MYH7B: variants seen among roughly 807,000 people sequenced by gnomAD.
MYH7B encodes myosin-7B.
A neutral mutation model predicts 234.5 loss-of-function variants in MYH7B; 205 were observed. That is an observed-to-expected ratio of 0.87 (90% CI 0.78 to 0.98). The LOEUF is 0.98. Among genes scored for constraint, MYH7B ranks in the 50% least tolerant of loss-of-function variants. The pLI, the probability that MYH7B is intolerant of heterozygous loss-of-function variation, is 0.00. For missense variants in MYH7B, 2,652 were observed against 2,633.4 expected, an observed-to-expected ratio of 1.01 and a Z score of -0.15; for synonymous variants, 1,193 against 1,105.0, an observed-to-expected ratio of 1.08 and a Z score of -1.58.
rs767042293 is a variant in MYH7B, at chr20:34,977,672, G to T, written c.-81G>T. ...TAGCAGAGCTTCCTGCCCTCACCGT[G>T]GTGCCGAGGTAGGTGATCAGGGCTG... is the stretch of plus-strand genomic sequence containing the variant. On this transcript the variant is annotated 5_prime_UTR_variant, in exon 4 of 45. Coordinates refer to ENST00000262873, the Ensembl canonical transcript of MYH7B. 6.3e-7 allele frequency: 1 copy of T among 1,580,502 alleles called. No individual in the cohort carries two copies. Among genetic ancestry groups the T allele is most frequent in the Non-Finnish European group, 8.6e-7 (1 of 1,163,246 alleles).
chr20:34,976,657 T>C (rs1175249938), intron 3 of MYH7B, among the ~76,000 whole-genome samples: 1 of 152,206 alleles, frequency 6.6e-6, no homozygotes, highest in Non-Finnish European at 1.5e-5. Context: ...TTCCTTGATT[T>C]GCTTCCATTT....
Position 34,997,334 on chromosome 20 carries a change from G to A in MYH7B, c.3441G>A (p.Ala1147=), listed in dbSNP as rs554580806. 2.4e-5 allele frequency: 37 copies of A among 1,545,824 alleles called. No homozygotes were observed. The highest frequency in any genetic ancestry group is 4.8e-5 in the South Asian group (4 of 83,974). Residue 1147 remains alanine (A), a synonymous_variant, in exon 32 of 45, where the codon GCG becomes GCA. Coordinates refer to ENST00000262873, the Ensembl canonical transcript of MYH7B. ...TGGAGAAGCAGCGTGCAGAGGCGGC[G>A]CGGGAGCTGGAGGAGCTGAGCGAGC...
chr20:34,987,851 C>T (rs756670052), exon 18 of MYH7B: 96 of 1,612,890 alleles, frequency 6.0e-5, no homozygotes, highest in Non-Finnish European at 7.2e-5. Context: ...AGACCCTGGA[C>T]ACAAAGCTGC....
intron 10 of MYH7B, among the ~76,000 whole-genome samples, chr20:34,983,576 T>G (rs906118423): frequency 6.6e-6 from 1 of 151,942 alleles, no homozygotes; most frequent in Non-Finnish European, 1.5e-5. Context: ...AGAAAGGAGC[T>G]GGGACAGTGG....
chr20:34,974,702 A>T lies in MYH7B; in HGVS notation c.-221-698A>T, dbSNP rs2147161969. ...TGAGCATCCTTGAACAATGAAAAGA[A>T]TTTTTCCCACTTTCTGGGCTTTCTA... is the stretch of plus-strand genomic sequence containing the variant. On this transcript the variant is annotated intron_variant, in intron 2 of 44. Transcript: ENST00000262873. Among the ~76,000 whole-genome samples the T allele has an allele frequency of 1.3e-5, 2 of 152,228 alleles. 1 individual carries two copies. Among genetic ancestry groups the T allele is most frequent in the South Asian group, 4.2e-4 (2 of 4,814 alleles).
In MYH7B at chr20:35,002,031, G is replaced by A. The variant is rs374941328; in HGVS notation, c.5760G>A (p.Ala1920=). ...ATGCGGAGGAGCGGGCAGACATGGC[G>A]GAAACCCAGGCCAACAAGCTGCGGG... is the stretch of plus-strand genomic sequence containing the variant. Residue 1920 remains alanine, a synonymous_variant, in exon 44 of 45, where the codon GCG becomes GCA. Transcript: ENST00000262873. 57 of 1,613,916 alleles carry A rather than the reference G, an allele frequency of 3.5e-5. No homozygotes were observed. Among genetic ancestry groups the A allele is most frequent in the South Asian group, 9.9e-5 (9 of 91,082 alleles).
rs574173568 is a variant in MYH7B at position 34,992,004 on chromosome 20, C to T, written c.2183+883C>T. Reference sequence around the variant, plus strand: ...CTCATGAGGGGCCTTCACAGCGTGGCTGTAGCCCACCTGACCCACACAGCC... The same window carrying T: ...CTCATGAGGGGCCTTCACAGCGTGGTTGTAGCCCACCTGACCCACACAGCC... On this transcript the variant is annotated intron_variant, in intron 24 of 44. Coordinates refer to ENST00000262873, the Ensembl canonical transcript of MYH7B. Among the ~76,000 whole-genome samples, 54 of 152,320 alleles carry T rather than the reference C, an allele frequency of 3.5e-4. 1 individual carries two copies. In the South Asian group the frequency reaches 0.011, roughly 31 times the overall value.
chr20:34,997,313 G>A, exon 32 of MYH7B: 1 of 1,552,402 alleles, frequency 6.4e-7, no homozygotes, highest in South Asian at 1.2e-5. Flanking sequence ...CCCGCGTGGA[G>A]AAGCAGCGTG....
chr20:35,000,746 C>G (rs1464002902), intron 39 of MYH7B, 22 bp from the exon 40 acceptor site: 2 of 1,608,654 alleles, frequency 1.2e-6, no homozygotes, highest in Non-Finnish European at 8.5e-7. Context: ...CTGGCTGGCT[C>G]TGAGACTCCT....
At chr20:34,961,107 C>G (rs2081693421) in intron 2 of MYH7B, among the ~76,000 whole-genome samples, 1 of 152,138 alleles carries the variant, frequency 6.6e-6, no homozygotes, top group Admixed American at 6.5e-5. Flanking sequence ...CAGTCCGGCT[C>G]TCATTTCATC....
At chr20:34,958,349 G>T (rs1356734520) in intron 2 of MYH7B, among the ~76,000 whole-genome samples, 137 bp downstream of exon 2, 1 of 152,170 alleles carries the variant, frequency 6.6e-6, no homozygotes, top group Non-Finnish European at 1.5e-5. Flanking sequence ...GGGAGCGTTT[G>T]CCCTTTCTGC....
At position 34,992,859 on chromosome 20, in the gene MYH7B, C is replaced by T. The variant is rs113970213; in HGVS notation, c.2184-243C>T. Among the ~76,000 whole-genome samples the T allele has an allele frequency of 5.3e-5, 8 of 152,280 alleles. No homozygotes were observed. In the South Asian group the frequency reaches 1.0e-3, roughly 20 times the overall value. ...TGTTGTGATTATGGGCGTGAGCCAC[C>T]GCACCCAGCCAACCCCCCAGGGATT... is the stretch of plus-strand genomic sequence containing the variant. On this transcript the variant is annotated intron_variant, in intron 24 of 44. Transcript: ENST00000262873.
intron 10 of MYH7B, among the ~76,000 whole-genome samples, chr20:34,983,564 G>A (rs1044636377): frequency 2.0e-5 from 3 of 152,112 alleles, no homozygotes; most frequent in Non-Finnish European, 4.4e-5. Flanking sequence ...GAGCACCTGG[G>A]CAGAAAGGAG....
At position 34,996,128 on chromosome 20, in the gene MYH7B, G is replaced by A. The variant is rs566463073; in HGVS notation, c.2944-218G>A. Reference sequence around the variant, plus strand: ...ATCTGTGGATTTCTCACCAGGCCAGGTGTGGTGCTGAGCACTGCGGGTGCA... The same window carrying A: ...ATCTGTGGATTTCTCACCAGGCCAGATGTGGTGCTGAGCACTGCGGGTGCA... On this transcript the variant is annotated intron_variant, in intron 28 of 44. Coordinates refer to ENST00000262873, the Ensembl canonical transcript of MYH7B. Among the ~76,000 whole-genome samples, 6 of 152,348 alleles carry A rather than the reference G, an allele frequency of 3.9e-5. No individual in the cohort carries two copies. In the South Asian group the frequency reaches 1.2e-3, roughly 32 times the overall value.
exon 8 of MYH7B, chr20:34,980,693 T>C (rs2081928839): frequency 1.2e-6 from 2 of 1,614,162 alleles, no homozygotes; most frequent in South Asian, 1.1e-5. Flanking sequence ...CCGCCCCATA[T>C]ATATGCGGTG....
Position 34,997,458 on chromosome 20 carries a change from G to A in MYH7B, c.3565G>A (p.Ala1189Thr), listed in dbSNP as rs2082283310. The change falls in exon 32 of 45, where the codon GCG becomes ACG. Residue 1189 changes from alanine to threonine, a missense_variant. Ala to Thr is a moderately conservative substitution (Grantham distance 58). Around this residue, in one of 3 missense-constraint regions of MYH7B, gnomAD observed 2,279 missense variants for 2,211.4 expected, o/e 1.03. Transcript: ENST00000262873. ...GCTGCGGCGGGAGCTGGAGGAGGCG[G>A]CGCTGCGGCACGAGGCCACAGTGGC... The A allele has an allele frequency of 2.7e-6, 4 of 1,494,564 alleles. No homozygotes were observed. The African/African-American group carries it at 5.8e-5, about 22-fold the overall frequency. 92.6% of individuals were successfully genotyped at this position (1,494,564 alleles called of 1,614,324 possible).
In MYH7B at chr20:34,957,029, G is replaced by A. The variant is rs550942244; in HGVS notation, c.-337+1022G>A. On this transcript the variant is annotated intron_variant, in intron 1 of 44. Transcript: ENST00000262873. ...AGATCACGCTGCAGCACTCCTGCCT[G>A]GGTGACAGCGTGAGACCCTGTCCTA... Among the ~76,000 whole-genome samples the A allele has an allele frequency of 2.0e-5, 3 of 152,350 alleles. No homozygotes were observed. In the South Asian group the frequency reaches 6.2e-4, roughly 32 times the overall value.
exon 20 of MYH7B, chr20:34,989,826 C>A: frequency 1.9e-6 from 3 of 1,614,208 alleles, no homozygotes; most frequent in Non-Finnish European, 1.7e-6. Flanking sequence ...TCTACGACAA[C>A]CACGCGGGGA....
chr20:34,999,698 C>G lies in MYH7B; in HGVS notation c.4665+3C>G, dbSNP rs1338821345. 1 of 1,612,550 alleles carries G rather than the reference C, an allele frequency of 6.2e-7. No homozygotes were observed. The highest frequency in any genetic ancestry group is 8.5e-7 in the Non-Finnish European group (1 of 1,179,522). On this transcript the variant is annotated splice_donor_region_variant and intron_variant, in intron 37 of 44. Transcript: ENST00000262873. ...AGGCTGCACTGGAGGAGGCAGAGGT[C>G]AGGGGCTGGCTGCAGGGGTGGGTGG...
Sources: gnomAD v4.1 joint callset for allele counts (sites outside exome capture counted in the v4.1 genomes callset) on GRCh38, gnomAD v4.1.1 for gene constraint, gnomAD v4.1.1 regional missense constraint, MANE v1.5 for transcripts, NCBI Gene and HGNC (gene_info 2026-07-23, HGNC 2026-07-21) for gene names.